The following ADGRB1 variants were observed in gnomAD, a reference collection of about 807,000 sequenced individuals.
The protein encoded by ADGRB1 is brain-specific angiogenesis inhibitor 1.
ADGRB1 carries 36 observed loss-of-function variants against 175.7 expected under a neutral mutation model. The ratio of observed to expected loss-of-function variants is 0.20; its 90% CI spans 0.16 to 0.27. The LOEUF (loss-of-function observed/expected upper bound fraction) is 0.27, where lower values mean the gene tolerates loss of function less well. Ranked by LOEUF, ADGRB1 falls within the 10% of genes least tolerant of loss-of-function variation. The pLI is 1.00. For missense variants in ADGRB1, 1,731 were observed against 2,255.3 expected (o/e 0.77, Z 4.71); for synonymous variants, 1,054 against 979.4 (o/e 1.08, Z -1.42).
At chr8:142,528,940 T>C (rs1385850035) in intron 24 of ADGRB1, among the ~76,000 whole-genome samples, 1 of 152,136 alleles carries the variant, frequency 6.6e-6, no homozygotes, top group Non-Finnish European at 1.5e-5. Flanking sequence ...GGAGCGGTGG[T>C]CAGTCCTGTC....
rs375237618 is a variant in ADGRB1 at position 142,460,864 on chromosome 8, C to T, written c.-219-3116C>T. The stretch of plus-strand genomic sequence containing the variant: ...ACTCCTGGCCCTCATGCCACTCCCT[C>T]GCCATCACCCCAGGGTGACCCCAGC... On this transcript the variant is annotated intron_variant, in intron 1 of 30. Transcript: ENST00000517894. Among the ~76,000 whole-genome samples, 346 of 152,338 alleles carry T rather than the reference C, an allele frequency of 2.3e-3. 1 individual carries two copies. The highest frequency in any genetic ancestry group is 7.7e-3 in the African/African-American group (319 of 41,574).
rs1839622178 is a variant in ADGRB1 at position 142,455,521 on chromosome 8, C to G, written c.-220+5417C>G. ...CGGCAGGCTGGTCCCCTGCAGCCCA[C>G]CAGGCAACTGGGCTGTCCCGGCCCA... On this transcript the variant is annotated intron_variant, in intron 1 of 30. Transcript: ENST00000517894. This position sits in a 1 kb window ranked among gnomAD's most constrained non-coding sequence, Gnocchi z 4.9. Among the ~76,000 whole-genome samples, 1 of 152,188 alleles carries G rather than the reference C, an allele frequency of 6.6e-6. No homozygotes were observed. The highest frequency in any genetic ancestry group is 2.4e-5 in the African/African-American group (1 of 41,438).
intron 1 of ADGRB1, among the ~76,000 whole-genome samples, chr8:142,454,678 C>T (rs1359199324): frequency 6.6e-6 from 1 of 152,168 alleles, no homozygotes; most frequent in African/African-American, 2.4e-5. Flanking sequence ...CTTTCCTCAT[C>T]TGTGCTCCAC....
In ADGRB1 at chr8:142,539,390, A is replaced by G; in HGVS notation, c.3683A>G (p.Asp1228Gly). 6.3e-7 allele frequency: 1 copy of G among 1,598,084 alleles called. No individual in the cohort carries two copies. Among genetic ancestry groups the G allele is most frequent in the Non-Finnish European group, 8.5e-7 (1 of 1,173,172 alleles). The change falls in exon 27 of 31, where the codon GAC (aspartate) becomes GGC (glycine). Residue 1228 changes from aspartate to glycine, a missense_variant. Physicochemically the swap from Asp to Gly is moderately conservative, Grantham distance 94. This residue lies in a region of ADGRB1 where 301 missense variants were observed against 488.4 expected (regional missense o/e 0.62). Transcript: ENST00000517894. ...HAQLMTDFEK[D>G]VDLACRSVLN... is the part of the protein sequence containing the mutation. ...GTCCTACAGACCGACTTCGAGAAGG[A>G]CGTGGATCTGGCCTGTAGATCAGGT...
intron 7 of ADGRB1, among the ~76,000 whole-genome samples, chr8:142,478,666 T>A (rs1170496046): frequency 9.2e-6 from 1 of 108,898 alleles, no homozygotes; most frequent in Non-Finnish European, 1.9e-5. Flanking sequence ...GAGGGTGGGG[T>A]GGCTGTGGGG....
chr8:142,540,919 G>A (rs533738155), intron 27 of ADGRB1, among the ~76,000 whole-genome samples: 3 of 152,064 alleles, frequency 2.0e-5, no homozygotes, highest in Non-Finnish European at 4.4e-5. Flanking sequence ...TGAGGGGGAC[G>A]GGGAAGCCTG....
At chr8:142,508,796 C>T (rs151251686) in intron 17 of ADGRB1, among the ~76,000 whole-genome samples, 10 of 152,342 alleles carry the variant, frequency 6.6e-5, no homozygotes, top group East Asian at 1.9e-4. Context: ...CTTCCTTTTA[C>T]GGAGGATGCT....
intron 17 of ADGRB1, among the ~76,000 whole-genome samples, chr8:142,497,394 G>A (rs1429880345): frequency 3.3e-5 from 5 of 152,184 alleles, no homozygotes; most frequent in African/African-American, 2.4e-5. Context: ...GGGGGGAAGC[G>A]GAAGGAAGAC....
rs1287854511 is a variant in ADGRB1, at chr8:142,543,326, C to T, written c.4414-77C>T. The stretch of plus-strand genomic sequence containing the variant: ...CATGGGGCGAGTGAGTCCCTGATGC[C>T]CTCAGTCTGAGGCAGGGAGAGGCGT... On this transcript the variant is annotated intron_variant, in intron 28 of 30. Transcript: ENST00000517894. The surrounding 1 kb of genome is among the most constrained non-coding windows in gnomAD (Gnocchi z 4.4). The T allele has an allele frequency of 1.9e-6, 3 of 1,580,566 alleles. No individual in the cohort carries two copies. The highest frequency in any genetic ancestry group is 1.7e-5 in the Admixed American group (1 of 58,104).
chr8:142,495,189 T>G (rs1053549991), intron 17 of ADGRB1, among the ~76,000 whole-genome samples: 1 of 151,974 alleles, frequency 6.6e-6, no homozygotes, highest in African/African-American at 2.4e-5. Context: ...AGCCGGCTGT[T>G]TGCCAGAGGG....
intron 17 of ADGRB1, among the ~76,000 whole-genome samples, chr8:142,498,102 G>C (rs1248340483): frequency 6.6e-6 from 1 of 152,110 alleles, no homozygotes; most frequent in Admixed American, 6.5e-5. Flanking sequence ...ATCTGTCCCT[G>C]CCCAGTGCCC....
chr8:142,530,109 TAGTG>T (rs201589529), intron 24 of ADGRB1, among the ~76,000 whole-genome samples: 1,768 of 152,138 alleles, frequency 0.012, 20 homozygotes, highest in African/African-American at 0.038. Context: ...TATTTTGCGT[TAGTG>T]TGTGTGTATA....
rs955005721 is a variant in ADGRB1 at position 142,544,285 on chromosome 8, C to T, written c.4623C>T (p.Pro1541=). Residue 1541 remains proline (P), a synonymous_variant, in exon 31 of 31, where the codon CCC becomes CCT. Coordinates refer to ENST00000517894, the MANE Select transcript of ADGRB1 (RefSeq NM_001702.3). ...WESLRKAHGT[P]TWVKKELEPL... is the part of the protein sequence containing the mutation. Reference sequence around the variant, plus strand: ...GCCTCCGGAAAGCCCACGGGACGCCCACGTGGGTGAAGAAGGAGCTGGAGC... The same window carrying T: ...GCCTCCGGAAAGCCCACGGGACGCCTACGTGGGTGAAGAAGGAGCTGGAGC... 6.5e-7 allele frequency: 1 copy of T among 1,549,404 alleles called. No homozygotes were observed. Among genetic ancestry groups the T allele is most frequent in the South Asian group, 1.2e-5 (1 of 84,034 alleles).
In ADGRB1 at chr8:142,492,953, G is replaced by A. The variant is rs1842052495; in HGVS notation, c.2675+2138G>A. ...CGCCGGCCGCGGCAGCTCTCGGGGGGCTGCGCCCTGGTTCACTCAACCAGC... is the reference window on the plus strand; with the variant it reads ...CGCCGGCCGCGGCAGCTCTCGGGGGACTGCGCCCTGGTTCACTCAACCAGC... On this transcript the variant is annotated intron_variant, in intron 17 of 30. Coordinates refer to ENST00000517894, the MANE Select transcript of ADGRB1 (RefSeq NM_001702.3). The surrounding 1 kb of genome is among the most constrained non-coding windows in gnomAD (Gnocchi z 4.4). Among the ~76,000 whole-genome samples, 1 of 152,026 alleles carries A rather than the reference G, an allele frequency of 6.6e-6. No individual in the cohort carries two copies. Among genetic ancestry groups the A allele is most frequent in the Non-Finnish European group, 1.5e-5 (1 of 67,978 alleles).
At chr8:142,489,676 G>A (rs898432037) in intron 16 of ADGRB1, among the ~76,000 whole-genome samples, 1 of 152,160 alleles carries the variant, frequency 6.6e-6, no homozygotes, top group Non-Finnish European at 1.5e-5. Context: ...CCCCACCTGG[G>A]CTCCAACCAC....
At position 142,477,464 on chromosome 8, in the gene ADGRB1, C is replaced by T. The variant is rs779522064; in HGVS notation, c.1302C>T (p.Arg434=). ...GCCGTGGCTTTCGGGATCGCACGCG[C>T]ACCTGCAGGCCCCCCCAGTTTGGGG... The part of the protein sequence containing the change: ...TCGRGFRDRT[R]TCRPPQFGGN... Residue 434 remains arginine (R), a synonymous_variant, in exon 6 of 31, where the codon CGC becomes CGT. Transcript: ENST00000517894. 12 of 1,612,730 alleles carry T rather than the reference C, an allele frequency of 7.4e-6. No homozygotes were observed. Among genetic ancestry groups the T allele is most frequent in the Non-Finnish European group, 1.0e-5 (12 of 1,179,830 alleles).
intron 26 of ADGRB1, among the ~76,000 whole-genome samples, chr8:142,538,155 C>T (rs1421797278): frequency 6.6e-6 from 1 of 152,234 alleles, no homozygotes; most frequent in East Asian, 1.9e-4. Context: ...TCCAGGGAGC[C>T]CTCCTTGACT....
intron 17 of ADGRB1, among the ~76,000 whole-genome samples, chr8:142,509,298 C>T (rs1471975411): frequency 2.0e-5 from 3 of 152,180 alleles, no homozygotes; most frequent in Non-Finnish European, 4.4e-5. Context: ...CTCTGGACAC[C>T]CCCACCCCCA....
chr8:142,488,303 C>A (rs1181000777), intron 13 of ADGRB1, 61 bp from the exon 14 acceptor site: 1 of 1,595,020 alleles, frequency 6.3e-7, no homozygotes, highest in South Asian at 1.1e-5. Context: ...GCAGCTGAGG[C>A]CCCGCCACAT....
Sources: allele counts gnomAD v4.1 joint callset (sites outside exome capture counted in the v4.1 genomes callset), GRCh38; gene constraint gnomAD v4.1.1; regional missense constraint gnomAD v4.1.1; non-coding constraint Gnocchi (gnomAD v3.1); transcripts MANE v1.5; gene names NCBI Gene and HGNC (gene_info 2026-07-23, HGNC 2026-07-21).